TIPRL: variants seen among roughly 807,000 people sequenced by gnomAD.
TIPRL encodes the protein TOR signaling pathway regulator, also known as TIP41-like protein.
TIPRL carries 10 observed loss-of-function variants against 32.3 expected under a neutral mutation model. The ratio of observed to expected loss-of-function variants is 0.31; its 90% CI spans 0.19 to 0.52. The LOEUF (loss-of-function observed/expected upper bound fraction) is 0.52, where lower values mean the gene tolerates loss of function less well. TIPRL is among the 20% of genes least tolerant of loss of function. The probability of loss-of-function intolerance (pLI) is 0.96; values close to 1 mark genes in which losing one functional copy is unlikely to be tolerated. For missense variants in TIPRL, 250 were observed against 328.1 expected (o/e 0.76, Z 1.84); for synonymous variants, 100 against 114.0 (o/e 0.88, Z 0.78).
chr1:168,182,296 C>A (rs1396086461), intron 1 of TIPRL, among the ~76,000 whole-genome samples: 1 of 151,974 alleles, frequency 6.6e-6, no homozygotes, highest in Non-Finnish European at 1.5e-5. Flanking sequence ...CTAGTTATAC[C>A]TGTTTTTAAG....
chr1:168,195,277 C>T (rs1448675513), intron 4 of TIPRL, among the ~76,000 whole-genome samples: 1 of 152,142 alleles, frequency 6.6e-6, no homozygotes, highest in African/African-American at 2.4e-5. Flanking sequence ...ACATGCAGGT[C>T]CCCTTTCTGA....
At chr1:168,192,497 C>A in intron 4 of TIPRL, 2 of 831,712 alleles carry the variant, frequency 2.4e-6, no homozygotes, top group Non-Finnish European at 2.9e-6. Flanking sequence ...CTAAATGCCT[C>A]ATTCTTTAAG....
At chr1:168,188,983 G>GAA (rs11445431) in intron 3 of TIPRL, among the ~76,000 whole-genome samples, 68,098 of 144,974 alleles carry the variant, frequency 0.47, 18,461 homozygotes, top group African/African-American at 0.76. Context: ...TCTGTCTCAA[G>GAA]AAAAAAAAAA....
chr1:168,200,107 G>A lies in TIPRL; in HGVS notation c.*61G>A, dbSNP rs145150142. On this transcript the variant is annotated 3_prime_UTR_variant, in exon 7 of 7. Coordinates refer to ENST00000367833, the MANE Select transcript of TIPRL (RefSeq NM_152902.5). Reference sequence around the variant, plus strand: ...CTGGACACCTTGGCTATTTGTAAGGGGTTATTTTTATTATGAGAATTAATT... The same window carrying A: ...CTGGACACCTTGGCTATTTGTAAGGAGTTATTTTTATTATGAGAATTAATT... 0.022 allele frequency: 34,405 copies of A among 1,529,434 alleles called. 534 individuals are homozygous for A. The highest frequency in any genetic ancestry group is 0.03 in the Middle Eastern group (173 of 5,770). The allele number at this position is 1,529,434 out of a possible 1,614,324, so 94.7% of individuals were successfully genotyped here. A position where few individuals can be genotyped will look rare whatever the true frequency, so the allele number is the denominator to read the frequency against.
chr1:168,184,072 A>G lies in TIPRL; in HGVS notation c.275A>G (p.Gln92Arg). 1 of 1,606,850 alleles carries G rather than the reference A, an allele frequency of 6.2e-7. No homozygotes were observed. The highest frequency in any genetic ancestry group is 1.1e-5 in the South Asian group (1 of 90,548). ...MLKVACAEEW[Q>R]ESRTEGEHSK... ...AAAGTGGCCTGTGCTGAAGAGTGGCAAGAAAGCAGGTGAGAATCCGGTCAA... is the reference window on the plus strand; with the variant it reads ...AAAGTGGCCTGTGCTGAAGAGTGGCGAGAAAGCAGGTGAGAATCCGGTCAA... The change falls in exon 2 of 7, where the codon CAA becomes CGA. Residue 92 changes from glutamine (Q) to arginine (R), a missense_variant. Transcript: ENST00000367833.
chr1:168,188,681 C>T (rs780216866), intron 3 of TIPRL, among the ~76,000 whole-genome samples: 21 of 152,046 alleles, frequency 1.4e-4, no homozygotes, highest in Non-Finnish European at 2.6e-4. Context: ...ACTGGGCCTG[C>T]AGATAAGAAG....
At chr1:168,189,642 G>A (rs1412731307) in intron 3 of TIPRL, among the ~76,000 whole-genome samples, 1 of 152,132 alleles carries the variant, frequency 6.6e-6, no homozygotes, top group Non-Finnish European at 1.5e-5. Flanking sequence ...ACCGCGCCCA[G>A]CCCATATGTT....
rs535322715 is a variant in TIPRL, at chr1:168,201,143, G to A, written c.*1097G>A. 3.3e-5 allele frequency: 5 copies of A among 152,168 alleles called. No homozygotes were observed. Among genetic ancestry groups the A allele is most frequent in the African/African-American group, 1.2e-4 (5 of 41,540 alleles). The allele number at this position is 152,168 out of a possible 1,614,324, so 9.4% of individuals were successfully genotyped here. A position where few individuals can be genotyped will look rare whatever the true frequency, so the allele number is the denominator to read the frequency against. ...GACCCCTTAGTCATTTTATATTCTT[G>A]TCTGCCTTTCTAGAAAAATGGTTGT... is the stretch of plus-strand genomic sequence containing the variant. On this transcript the variant is annotated 3_prime_UTR_variant, in exon 7 of 7. Coordinates refer to ENST00000367833, the MANE Select transcript of TIPRL (RefSeq NM_152902.5).
intron 4 of TIPRL, 113 bp from the exon 5 acceptor site, chr1:168,196,434 C>T (rs967398387): frequency 1.6e-6 from 1 of 606,754 alleles, no homozygotes; most frequent in Middle Eastern, 4.8e-4. Flanking sequence ...ACTGTGAATT[C>T]AGCCTTATTC....
chr1:168,186,089 A>T (rs1164772725), intron 3 of TIPRL, among the ~76,000 whole-genome samples: 1 of 150,490 alleles, frequency 6.6e-6, no homozygotes, highest in Non-Finnish European at 1.5e-5. Context: ...AAAAAAAAAA[A>T]AAAAAAAAAA....
In TIPRL at chr1:168,201,005, A is replaced by G. The variant is rs1346943674; in HGVS notation, c.*959A>G. 6.6e-6 allele frequency: 1 copy of G among 152,166 alleles called. No homozygotes were observed. Among genetic ancestry groups the G allele is most frequent in the Non-Finnish European group, 1.5e-5 (1 of 67,994 alleles). The allele number at this position is 152,166 out of a possible 1,614,324, so 9.4% of individuals were successfully genotyped here. On this transcript the variant is annotated 3_prime_UTR_variant, in exon 7 of 7. Transcript: ENST00000367833. ...AGCAAGTTTTTCTATTTTAAGGTGC[A>G]TATTTGTAACATTACAGGGGATGAA...
chr1:168,179,257 A>G, intron 1 of TIPRL, 76 bp downstream of exon 1: 1 of 1,312,986 alleles, frequency 7.6e-7, no homozygotes, highest in African/African-American at 1.5e-5. Flanking sequence ...AACTCTGTGC[A>G]GCCCCTCCCC....
intron 1 of TIPRL, among the ~76,000 whole-genome samples, chr1:168,181,846 AGG>A (rs1301910068): frequency 2.0e-5 from 3 of 151,414 alleles, no homozygotes; most frequent in Non-Finnish European, 4.4e-5. Context: ...GGATCACCTG[AGG>A]TCAGGAGTTC....
At chr1:168,181,613 A>C (rs549094365) in intron 1 of TIPRL, among the ~76,000 whole-genome samples, 1 of 151,232 alleles carries the variant, frequency 6.6e-6, no homozygotes, top group Non-Finnish European at 1.5e-5. Flanking sequence ...ACATAATACA[A>C]TATATAATTA....
At position 168,179,064 on chromosome 1, in the gene TIPRL, G is replaced by C. The variant is rs375908803; in HGVS notation, c.-14G>C. 3 of 1,612,416 alleles carry C rather than the reference G, an allele frequency of 1.9e-6. No homozygotes were observed. Among genetic ancestry groups the C allele is most frequent in the Non-Finnish European group, 1.7e-6 (2 of 1,178,922 alleles). On this transcript the variant is annotated 5_prime_UTR_variant, in exon 1 of 7. Coordinates refer to ENST00000367833, the MANE Select transcript of TIPRL (RefSeq NM_152902.5). ...AGCTTATTCCTTGTGGCCTCTGCGG[G>C]TCCTGCCTCAGCCATGATGATCCAC...
intron 3 of TIPRL, 150 bp from the exon 4 acceptor site, chr1:168,191,219 A>G (rs1700092972): frequency 2.0e-6 from 1 of 499,672 alleles, no homozygotes; most frequent in Non-Finnish European, 3.3e-6. Context: ...GATCTTTTAT[A>G]TCTACTAATG....
At chr1:168,184,199 T>C in intron 2 of TIPRL, 118 bp downstream of exon 2, 1 of 952,560 alleles carries the variant, frequency 1.0e-6, no homozygotes, top group African/African-American at 1.7e-5. Flanking sequence ...AGGGCTGGTA[T>C]TATTAAACTT....
intron 4 of TIPRL, among the ~76,000 whole-genome samples, chr1:168,193,756 T>G (rs1218836256): frequency 6.6e-6 from 1 of 152,210 alleles, no homozygotes; most frequent in Non-Finnish European, 1.5e-5. Flanking sequence ...GCTGAAGTAT[T>G]AGTTCATAGA....
chr1:168,187,967 A>ATCTCAAAACAGT, intron 3 of TIPRL, among the ~76,000 whole-genome samples: 1 of 152,298 alleles, frequency 6.6e-6, no homozygotes, highest in East Asian at 1.9e-4. Context: ...GCGACACCCT[A>ATCTCAAAACAGT]TCTCAAAACA....
Sources: allele counts gnomAD v4.1 joint callset (sites outside exome capture counted in the v4.1 genomes callset), GRCh38; gene constraint gnomAD v4.1.1; transcripts MANE v1.5; gene names NCBI Gene and HGNC (gene_info 2026-07-23, HGNC 2026-07-21).